The following ZBBX variants were observed in gnomAD, a reference collection of about 807,000 sequenced individuals.
The protein encoded by ZBBX is zinc finger B-box domain-containing protein 1.
A neutral mutation model predicts 108.5 loss-of-function variants in ZBBX; 101 were observed. The observed-to-expected ratio is 0.93, with a 90% CI of 0.79 to 1.10. The LOEUF (loss-of-function observed/expected upper bound fraction) is 1.10, where lower values mean the gene tolerates loss of function less well. Among genes scored for constraint, ZBBX ranks in the 50% least tolerant of loss-of-function variants. The probability of loss-of-function intolerance (pLI) is 0.00; values close to 1 mark genes in which losing one functional copy is unlikely to be tolerated. For missense variants in ZBBX, 1,009 were observed against 941.4 expected (o/e 1.07, Z -0.94); for synonymous variants, 356 against 323.4 (o/e 1.10, Z -1.08).
intron 20 of ZBBX, among the ~76,000 whole-genome samples, chr3:167,259,456 A>T (rs1455944827): frequency 6.6e-6 from 1 of 151,602 alleles, no homozygotes; most frequent in East Asian, 1.9e-4. Flanking sequence ...TATTTTGTTC[A>T]TTTGTTTCAA....
intron 9 of ZBBX, among the ~76,000 whole-genome samples, chr3:167,348,034 C>T (rs909058813): frequency 6.6e-6 from 1 of 151,882 alleles, no homozygotes; most frequent in Non-Finnish European, 1.5e-5. Context: ...GTATATTCTA[C>T]AATGAGATTT....
At chr3:167,388,161 A>T (rs1747974980) in intron 1 of ZBBX, among the ~76,000 whole-genome samples, 1 of 151,986 alleles carries the variant, frequency 6.6e-6, no homozygotes, top group African/African-American at 2.4e-5. Flanking sequence ...TCTGAGCAAC[A>T]TTTGCAAAGA....
chr3:167,393,875 C>T (rs1748152406), intron 1 of ZBBX, among the ~76,000 whole-genome samples: 1 of 151,782 alleles, frequency 6.6e-6, no homozygotes, highest in Admixed American at 6.6e-5. Flanking sequence ...TGCCCTTCCA[C>T]ATGTTTCACA....
intron 20 of ZBBX, among the ~76,000 whole-genome samples, chr3:167,266,951 G>A (rs957997761): frequency 3.9e-5 from 6 of 152,092 alleles, no homozygotes; most frequent in South Asian, 2.1e-4. Flanking sequence ...GAATAAACCC[G>A]GCCTCTCAGC....
chr3:167,227,065 A>G, the ZBBX span, among the ~76,000 whole-genome samples: 1 of 151,812 alleles, frequency 6.6e-6, no homozygotes, highest in Non-Finnish European at 1.5e-5. Flanking sequence ...TAACTAATGC[A>G]ATCTCAGAAG....
At chr3:167,369,096 C>T (rs1340349423) in intron 4 of ZBBX, among the ~76,000 whole-genome samples, 1 of 152,084 alleles carries the variant, frequency 6.6e-6, no homozygotes, top group Non-Finnish European at 1.5e-5. Context: ...AATAAAGCCC[C>T]TATTAACAGT....
At chr3:167,207,934 TG>T in the ZBBX span, among the ~76,000 whole-genome samples, 4 of 152,120 alleles carry the variant, frequency 2.6e-5, no homozygotes, top group African/African-American at 9.7e-5. Flanking sequence ...AAGACACTCT[TG>T]AATTGCCTAC....
intron 9 of ZBBX, among the ~76,000 whole-genome samples, chr3:167,344,674 T>G (rs1741132500): frequency 6.6e-6 from 1 of 151,628 alleles, no homozygotes. Context: ...AGAAGTACAG[T>G]TCAGGTAGAT....
chr3:167,218,703 G>A, the ZBBX span, among the ~76,000 whole-genome samples: 60 of 151,886 alleles, frequency 4.0e-4, no homozygotes, highest in Admixed American at 3.9e-3. Context: ...AAGAGAGTGA[G>A]AGAAAAGAAT....
intron 20 of ZBBX, among the ~76,000 whole-genome samples, chr3:167,275,326 G>A (rs995642300): frequency 3.4e-4 from 52 of 152,270 alleles, no homozygotes; most frequent in African/African-American, 1.2e-3. Flanking sequence ...CAGCGTGAGC[G>A]ACGCAGAAGA....
chr3:167,259,884 T>C (rs947603753), intron 20 of ZBBX, among the ~76,000 whole-genome samples: 6 of 152,196 alleles, frequency 3.9e-5, no homozygotes, highest in Non-Finnish European at 8.8e-5. Context: ...GCTCATTTTA[T>C]GGCCTATTTT....
At chr3:167,210,422 T>C in the ZBBX span, among the ~76,000 whole-genome samples, 2 of 152,052 alleles carry the variant, frequency 1.3e-5, no homozygotes, top group African/African-American at 2.4e-5. Flanking sequence ...GAAAACACTC[T>C]TAAAAGGGCA....
At chr3:167,226,339 C>T in the ZBBX span, among the ~76,000 whole-genome samples, 2,006 of 151,690 alleles carry the variant, frequency 0.013, 51 homozygotes, top group African/African-American at 0.046. Context: ...ATGTAAAATG[C>T]CATGATAGCA....
intron 18 of ZBBX, among the ~76,000 whole-genome samples, chr3:167,297,316 G>C (rs1731851138): frequency 6.6e-6 from 1 of 151,920 alleles, no homozygotes; most frequent in South Asian, 2.1e-4. Context: ...TCAACAAATG[G>C]TGCTGGAAAA....
intron 1 of ZBBX, among the ~76,000 whole-genome samples, chr3:167,397,005 T>C (rs201100790): frequency 1.3e-5 from 2 of 151,710 alleles, no homozygotes; most frequent in East Asian, 3.9e-4. Flanking sequence ...TTGTCTGACA[T>C]GGAAAGGATG....
At chr3:167,238,512 C>T (rs1192467811), downstream of ZBBX, among the ~76,000 whole-genome samples, 1 of 151,874 alleles carries the variant, frequency 6.6e-6, no homozygotes, top group Non-Finnish European at 1.5e-5. Flanking sequence ...TGTCAGTAGA[C>T]GATGTGTGTG....
At chr3:167,184,471 CTCA>C in the ZBBX span, among the ~76,000 whole-genome samples, 2 of 152,066 alleles carry the variant, frequency 1.3e-5, no homozygotes, top group Non-Finnish European at 2.9e-5. Context: ...TAAATATGCC[CTCA>C]TCATATGACC....
rs565445346 is a variant in ZBBX, at chr3:167,315,243, A to T, written c.1274+507T>A. On this transcript the variant is annotated intron_variant, in intron 15 of 21. Transcript: ENST00000675490. ...TTTCATTTGGAAATGAGAAAATTCT[A>T]CAACGCAATTACAAAGTGAACCATT... Among the ~76,000 whole-genome samples the T allele has an allele frequency of 7.9e-5, 12 of 152,334 alleles. 1 individual carries two copies. Among genetic ancestry groups the T allele is most frequent in the Admixed American group, 7.2e-4 (11 of 15,286 alleles).
chr3:167,249,756 G>C (rs980921911), intron 20 of ZBBX, among the ~76,000 whole-genome samples: 3 of 152,182 alleles, frequency 2.0e-5, no homozygotes, highest in South Asian at 2.1e-4. Context: ...TCAGAAGCAG[G>C]CTGCTCTGTC....
Sources: gnomAD v4.1 joint callset for allele counts (sites outside exome capture counted in the v4.1 genomes callset) on GRCh38, gnomAD v4.1.1 for gene constraint, MANE v1.5 for transcripts, NCBI Gene and HGNC (gene_info 2026-07-23, HGNC 2026-07-21) for gene names.